Variants in CACNA1A observed in about 807,000 individuals in gnomAD.
CACNA1A encodes the protein voltage-dependent P/Q-type calcium channel subunit alpha-1A.
Under a neutral mutation model 262.4 loss-of-function variants are expected in CACNA1A, and 57 were observed. That is an observed-to-expected ratio of 0.22 (90% CI 0.18 to 0.27). The LOEUF is 0.27. Ranked by LOEUF, CACNA1A falls within the 10% of genes least tolerant of loss-of-function variation. CACNA1A has a pLI of 1.00. For synonymous variants in CACNA1A, 1,431 were observed against 1,419.3 expected (o/e 1.01, Z -0.18); for missense variants, 2,526 against 3,562.8 (o/e 0.71, Z 7.41).
chr19:13,445,867 C>T (rs1376974751), intron 3 of CACNA1A, among the ~76,000 whole-genome samples: 1 of 152,144 alleles, frequency 6.6e-6, no homozygotes, highest in Non-Finnish European at 1.5e-5. Flanking sequence ...AAGATCTTTT[C>T]CACCAAACTT....
chr19:13,229,486 C>T (rs1312362350), intron 36 of CACNA1A, among the ~76,000 whole-genome samples: 1 of 152,142 alleles, frequency 6.6e-6, no homozygotes, highest in African/African-American at 2.4e-5. Flanking sequence ...AACCATTGCC[C>T]GTCAGTGGAG....
At chr19:13,268,667 C>T (rs1165489247) in intron 24 of CACNA1A, among the ~76,000 whole-genome samples, 1 of 152,014 alleles carries the variant, frequency 6.6e-6, no homozygotes, top group African/African-American at 2.4e-5. Flanking sequence ...ATCTCTTGAC[C>T]TCGTGATCCG....
chr19:13,264,970 G>A (rs978814503), intron 24 of CACNA1A, among the ~76,000 whole-genome samples: 12 of 151,446 alleles, frequency 7.9e-5, no homozygotes, highest in African/African-American at 2.9e-4. Flanking sequence ...TGCCTCCTGG[G>A]TTCAAGTGAT....
intron 10 of CACNA1A, among the ~76,000 whole-genome samples, chr19:13,326,788 C>CAAAA (rs527327502): frequency 7.7e-6 from 1 of 129,484 alleles, no homozygotes. Context: ...GACACTGTCT[C>CAAAA]AAAAAAAAAA....
At chr19:13,243,061 C>A (rs537904056) in intron 31 of CACNA1A, among the ~76,000 whole-genome samples, 1 of 152,338 alleles carries the variant, frequency 6.6e-6, no homozygotes, top group South Asian at 2.1e-4. Context: ...GGAGCTGGAC[C>A]ATCCTTCTAA....
intron 3 of CACNA1A, among the ~76,000 whole-genome samples, chr19:13,379,235 C>T (rs540185527): frequency 5.3e-5 from 8 of 152,196 alleles, no homozygotes; most frequent in Admixed American, 5.2e-4. Flanking sequence ...CCTGCCTTGG[C>T]CTCCCAAAGT....
chr19:13,473,983 C>G (rs1211465678), intron 1 of CACNA1A, among the ~76,000 whole-genome samples: 1 of 152,202 alleles, frequency 6.6e-6, no homozygotes, highest in African/African-American at 2.4e-5. Flanking sequence ...TTGGGTCTGC[C>G]TCGCCTTTTC....
At chr19:13,210,785 GA>G (rs2144514612) in intron 43 of CACNA1A, 133 bp from the exon 44 acceptor site, 1 of 912,772 alleles carries the variant, frequency 1.1e-6, no homozygotes, top group East Asian at 2.6e-5. Context: ...GGCATCAAGA[GA>G]AATCGGAGGG....
At chr19:13,423,327 A>T (rs148018715) in intron 3 of CACNA1A, among the ~76,000 whole-genome samples, 38 of 152,254 alleles carry the variant, frequency 2.5e-4, no homozygotes, top group Non-Finnish European at 5.1e-4. Context: ...ATGGAGGGCT[A>T]GTGGGTTCAT....
At chr19:13,309,420 C>T (rs201050440) in intron 12 of CACNA1A, among the ~76,000 whole-genome samples, 1 of 151,804 alleles carries the variant, frequency 6.6e-6, no homozygotes, top group South Asian at 2.1e-4. Flanking sequence ...AAGGCTAGGG[C>T]AGTGGCTCAT....
At chr19:13,244,911 T>C (rs1282526792) in intron 31 of CACNA1A, 11 of 504,746 alleles carry the variant, frequency 2.2e-5, no homozygotes, top group Non-Finnish European at 3.9e-5. Flanking sequence ...CTCATCTGCA[T>C]TATTAATTCC....
intron 29 of CACNA1A, among the ~76,000 whole-genome samples, chr19:13,254,456 G>T (rs948679387): frequency 1.3e-5 from 2 of 151,590 alleles, no homozygotes; most frequent in African/African-American, 2.4e-5. Context: ...TCCGCCTCCC[G>T]GGTTCAAGCA....
At chr19:13,492,021 C>T (rs1213754337) in intron 1 of CACNA1A, among the ~76,000 whole-genome samples, 4 of 152,112 alleles carry the variant, frequency 2.6e-5, no homozygotes, top group African/African-American at 9.7e-5. Context: ...AATGCAGGCA[C>T]TAATGTTATA....
intron 24 of CACNA1A, chr19:13,274,464 TTC>T (rs2057099377): frequency 6.6e-6 from 1 of 152,222 alleles, no homozygotes; most frequent in Non-Finnish European, 1.5e-5. Context: ...AAGCCCCTGA[TTC>T]TCTCACGATG....
chr19:13,389,075 G>C (rs559802107), intron 3 of CACNA1A, among the ~76,000 whole-genome samples: 1 of 152,116 alleles, frequency 6.6e-6, no homozygotes, highest in Admixed American at 6.5e-5. Context: ...GCTAATTTTT[G>C]TATCTTTAAT....
chr19:13,395,732 A>G (rs773919071), intron 3 of CACNA1A, among the ~76,000 whole-genome samples: 1 of 152,076 alleles, frequency 6.6e-6, no homozygotes, highest in Non-Finnish European at 1.5e-5. Flanking sequence ...GCTCTGAGAG[A>G]CCAAGAAGAA....
chr19:13,361,888 G>C (rs997335273), intron 5 of CACNA1A, among the ~76,000 whole-genome samples: 12 of 152,116 alleles, frequency 7.9e-5, no homozygotes, highest in African/African-American at 2.9e-4. Flanking sequence ...CCTGTGCCTG[G>C]AATCTTCTCT....
Position 13,308,289 on chromosome 19 carries a change from G to C in CACNA1A, c.1782-38C>G. On this transcript the variant is annotated intron_variant, in intron 13 of 46. Transcript: ENST00000360228. This position sits in a 1 kb window ranked among gnomAD's most constrained non-coding sequence, Gnocchi z 4.2. ...GCCAGGCGAGGACTCAGGCCAGGCG[G>C]GGGAGGCAGGGCCCCGGAGTCAGCC... is the stretch of plus-strand genomic sequence containing the variant. 1 of 1,595,206 alleles carries C rather than the reference G, an allele frequency of 6.3e-7. No homozygotes were observed.
chr19:13,235,340 T>C (rs2055838826), intron 32 of CACNA1A, 66 bp from the exon 33 acceptor site: 15 of 1,436,756 alleles, frequency 1.0e-5, no homozygotes, highest in South Asian at 2.4e-5. Context: ...CTTCCTCCCT[T>C]GTCCCAGTGC....
Sources: allele counts gnomAD v4.1 joint callset (sites outside exome capture counted in the v4.1 genomes callset), GRCh38; gene constraint gnomAD v4.1.1; non-coding constraint Gnocchi (gnomAD v3.1); transcripts MANE v1.5; gene names NCBI Gene and HGNC (gene_info 2026-07-23, HGNC 2026-07-21).